NPRL3: variants seen among roughly 807,000 people sequenced by gnomAD.
NPRL3 encodes the protein NPR3 like, GATOR1 complex subunit.
NPRL3 carries 23 observed loss-of-function variants against 57.2 expected under a neutral mutation model. The ratio of observed to expected loss-of-function variants is 0.40; its 90% CI spans 0.29 to 0.57. The LOEUF is 0.57. Ranked by LOEUF, NPRL3 falls within the 20% of genes least tolerant of loss-of-function variation. The probability of loss-of-function intolerance (pLI) is 0.42; values close to 1 mark genes in which losing one functional copy is unlikely to be tolerated. For synonymous variants in NPRL3, 333 were observed against 321.1 expected (o/e 1.04, Z -0.39); for missense variants, 691 against 767.1 (o/e 0.90, Z 1.17).
intron 5 of NPRL3, 114 bp from the exon 6 acceptor site, chr16:112,889 C>A: frequency 9.8e-7 from 1 of 1,015,644 alleles, no homozygotes; most frequent in Non-Finnish European, 1.3e-6. Context: ...TGAAAGAAAG[C>A]GTCTCTACTC....
chr16:106,943 G>A (rs561733701), intron 7 of NPRL3, among the ~76,000 whole-genome samples: 2 of 152,296 alleles, frequency 1.3e-5, no homozygotes, highest in South Asian at 2.1e-4. Context: ...GCTCCTGGGT[G>A]GCTGCAGAGC....
rs756673325 is a variant in NPRL3, at chr16:138,175, G to A, written c.93C>T (p.Ser31=). The change falls in exon 2 of 14, where the codon AGC becomes AGT. Residue 31 remains serine (S), a synonymous_variant. Transcript: ENST00000611875. ...TTGTCTGGGACGCCGGGTGCTCCTGGCTTCTCTGGAAGGGGTACCTGAACA... is the reference window on the plus strand; with the variant it reads ...TTGTCTGGGACGCCGGGTGCTCCTGACTTCTCTGGAAGGGGTACCTGAACA... ...KLLFRYPFQR[S]QEHPASQTSK... The A allele has an allele frequency of 1.2e-6, 2 of 1,607,976 alleles. No homozygotes were observed. Among genetic ancestry groups the A allele is most frequent in the African/African-American group, 1.3e-5 (1 of 74,794 alleles).
intron 9 of NPRL3, among the ~76,000 whole-genome samples, chr16:94,360 A>G (rs1462506698): frequency 6.6e-6 from 1 of 152,086 alleles, no homozygotes; most frequent in Admixed American, 6.5e-5. Flanking sequence ...ACACCACTCC[A>G]CCCTCTTGGC....
At chr16:108,937 T>C (rs998042455) in intron 7 of NPRL3, among the ~76,000 whole-genome samples, 13 of 152,032 alleles carry the variant, frequency 8.6e-5, no homozygotes, top group African/African-American at 2.9e-4. Flanking sequence ...GGCAAAGTGT[T>C]GGGATCACAG....
In NPRL3 at chr16:85,409, G is replaced by C. The variant is rs1898405120; in HGVS notation, c.*1296C>G. 1 of 1,606,040 alleles carries C rather than the reference G, an allele frequency of 6.2e-7. No homozygotes were observed. The highest frequency in any genetic ancestry group is 1.3e-5 in the African/African-American group (1 of 74,810). ...AACTGTCCGTCCCACAGGGGACGGG[G>C]CTTGCGTCTTGCTGCGAGCACTGGA... On this transcript the variant is annotated 3_prime_UTR_variant, in exon 14 of 14. Transcript: ENST00000611875.
At chr16:103,488 G>A (rs1320167253) in intron 7 of NPRL3, among the ~76,000 whole-genome samples, 1 of 151,822 alleles carries the variant, frequency 6.6e-6, no homozygotes, top group Non-Finnish European at 1.5e-5. Flanking sequence ...CAAAGTGGCT[G>A]TTGGGACACC....
In NPRL3 at chr16:138,342, G is replaced by A; in HGVS notation, c.-67-8C>T. ...GCCGGAGGCGGAGGGGGCCTGAGGA[G>A]GACGGAGCCGGAGGCGGAGGGGGCC... On this transcript the variant is annotated splice_region_variant and splice_polypyrimidine_tract_variant and intron_variant, in intron 1 of 13. Transcript: ENST00000611875. 8.8e-7 allele frequency: 1 copy of A among 1,139,026 alleles called. No homozygotes were observed. Among genetic ancestry groups the A allele is most frequent in the Non-Finnish European group, 1.2e-6 (1 of 802,830 alleles). The allele number at this position is 1,139,026 out of a possible 1,614,324, so 70.6% of individuals were successfully genotyped here. A position where few individuals can be genotyped will look rare whatever the true frequency, so the allele number is the denominator to read the frequency against.
chr16:130,424 T>C, intron 3 of NPRL3, 98 bp downstream of exon 3: 1 of 1,260,374 alleles, frequency 7.9e-7, no homozygotes, highest in East Asian at 2.5e-5. Flanking sequence ...ACACCAGACT[T>C]CTCAGGGAGA....
Position 112,736 on chromosome 16 carries a change from G to C in NPRL3, c.433C>G (p.Leu145Val). The change falls in exon 6 of 14, where the codon CTG (leucine) becomes GTG (valine). Residue 145 changes from leucine to valine, a missense_variant. Coordinates refer to ENST00000611875, the MANE Select transcript of NPRL3 (RefSeq NM_001077350.3). ...AGCACGGTGGCGATACGACGGGACA[G>C]GTTATGCAGACAGTTTATCACTGAC... ...DPSVINCLHN[L>V]SRRIATVLQH... 1 of 1,611,730 alleles carries C rather than the reference G, an allele frequency of 6.2e-7. No individual in the cohort carries two copies. Among genetic ancestry groups the C allele is most frequent in the Non-Finnish European group, 8.5e-7 (1 of 1,178,412 alleles).
At chr16:95,666 C>T (rs534621618) in intron 9 of NPRL3, among the ~76,000 whole-genome samples, 2 of 152,202 alleles carry the variant, frequency 1.3e-5, no homozygotes, top group East Asian at 3.9e-4. Context: ...AACACCAGGG[C>T]TCAAGTGATC....
At chr16:106,036 C>T (rs1271037132) in intron 7 of NPRL3, among the ~76,000 whole-genome samples, 2 of 152,178 alleles carry the variant, frequency 1.3e-5, no homozygotes, top group African/African-American at 2.4e-5. Flanking sequence ...GGGGACCGGA[C>T]GTGGTGGCTC....
intron 9 of NPRL3, among the ~76,000 whole-genome samples, chr16:96,370 C>T (rs779393269): frequency 1.8e-4 from 27 of 152,140 alleles, no homozygotes; most frequent in Admixed American, 1.8e-3. Context: ...ACCATGTGGT[C>T]GGTGCTCATC....
chr16:108,450 CACA>C (rs1157296288), intron 7 of NPRL3, among the ~76,000 whole-genome samples: 3 of 151,772 alleles, frequency 2.0e-5, no homozygotes, highest in Non-Finnish European at 4.4e-5. Flanking sequence ...GAGAAGGAAA[CACA>C]ACATTACAAA....
chr16:115,108 G>A (rs2082871416), intron 5 of NPRL3, among the ~76,000 whole-genome samples: 1 of 151,828 alleles, frequency 6.6e-6, no homozygotes, highest in African/African-American at 2.4e-5. Context: ...CCAGGTAGCT[G>A]GGACTACAGG....
intron 7 of NPRL3, among the ~76,000 whole-genome samples, chr16:100,775 C>A (rs1315646213): frequency 1.3e-4 from 3 of 23,776 alleles, no homozygotes; most frequent in African/African-American, 7.0e-4. Flanking sequence ...CGAGACCAGC[C>A]TGGCTAATAA....
intron 7 of NPRL3, among the ~76,000 whole-genome samples, chr16:104,741 G>A (rs1488068574): frequency 4.6e-5 from 7 of 152,180 alleles, no homozygotes; most frequent in East Asian, 1.9e-4. Flanking sequence ...TCCCTAGAGC[G>A]GTGACAAGTG....
intron 8 of NPRL3, 94 bp from the exon 9 acceptor site, chr16:98,395 C>T: frequency 7.3e-7 from 1 of 1,375,266 alleles, no homozygotes; most frequent in Non-Finnish European, 1.0e-6. Context: ...ACCGGGTATG[C>T]ACCAGGTCCT....
At chr16:89,252 G>A (rs1898649621) in intron 12 of NPRL3, 1 of 296,224 alleles carries the variant, frequency 3.4e-6, no homozygotes, top group Non-Finnish European at 6.3e-6. Context: ...CCTACAGCCA[G>A]ACCTCAGCCA....
At chr16:103,142 ATT>A (rs993958109) in intron 7 of NPRL3, among the ~76,000 whole-genome samples, 1 of 147,212 alleles carries the variant, frequency 6.8e-6, no homozygotes, top group African/African-American at 2.5e-5. Flanking sequence ...TAAAAGGTCT[ATT>A]TTTTTTTTCT....
Sources: allele counts gnomAD v4.1 joint callset (sites outside exome capture counted in the v4.1 genomes callset), GRCh38; gene constraint gnomAD v4.1.1; transcripts MANE v1.5; gene names NCBI Gene and HGNC (gene_info 2026-07-23, HGNC 2026-07-21).